KCNQ5: variants seen among roughly 807,000 people sequenced by gnomAD.
KCNQ5 encodes the protein potassium voltage-gated channel subfamily Q member 5.
KCNQ5 carries 30 observed loss-of-function variants against 98.2 expected under a neutral mutation model. That is an observed-to-expected ratio of 0.31 (90% confidence interval 0.23 to 0.41). KCNQ5 has a LOEUF of 0.41. Ranked by LOEUF, KCNQ5 falls within the 10% of genes least tolerant of loss-of-function variation. The pLI is 1.00. For missense variants in KCNQ5, 835 were observed against 1,182.5 expected, an observed-to-expected ratio of 0.71 and a Z score of 4.31; for synonymous variants, 458 against 449.4, an observed-to-expected ratio of 1.02 and a Z score of -0.24.
chr6:73,171,323 CA>C (rs1778008780), intron 11 of KCNQ5, among the ~76,000 whole-genome samples: 1 of 152,178 alleles, frequency 6.6e-6, no homozygotes, highest in Admixed American at 6.5e-5. Flanking sequence ...CCTCTAGTCT[CA>C]TCATAAGTGT....
chr6:73,187,765 G>T (rs1347418084), intron 11 of KCNQ5, among the ~76,000 whole-genome samples: 1 of 152,158 alleles, frequency 6.6e-6, no homozygotes, highest in Non-Finnish European at 1.5e-5. Context: ...AAGTAAAAAT[G>T]AAATTATTTA....
chr6:72,937,551 C>T (rs995788303), intron 1 of KCNQ5, among the ~76,000 whole-genome samples: 1 of 152,104 alleles, frequency 6.6e-6, no homozygotes, highest in African/African-American at 2.4e-5. Flanking sequence ...CTTCTATAAG[C>T]CTTTTAATAA....
intron 1 of KCNQ5, among the ~76,000 whole-genome samples, chr6:72,922,810 C>CTTTTTTTTTTTTTTTTTTTTTTTTT (rs369263359): frequency 3.9e-5 from 4 of 103,828 alleles, no homozygotes; most frequent in African/African-American, 7.1e-5. Context: ...TTTTCTTTTT[C>CTTTTTTTTTTTTTTTTTTTTTTTTT]TTTTTTTTTT....
intron 1 of KCNQ5, among the ~76,000 whole-genome samples, chr6:72,887,128 C>A (rs1280026436): frequency 6.6e-6 from 1 of 152,024 alleles, no homozygotes; most frequent in Non-Finnish European, 1.5e-5. Context: ...GGAAAATTTT[C>A]TTAAAGGAAG....
chr6:73,023,494 A>T (rs1350002412), intron 2 of KCNQ5, among the ~76,000 whole-genome samples: 1 of 152,184 alleles, frequency 6.6e-6, no homozygotes, highest in African/African-American at 2.4e-5. Context: ...AAAATGGATA[A>T]GGAAATAGTA....
In KCNQ5 at chr6:73,194,739, T is replaced by A. The variant is rs763453048; in HGVS notation, c.2124T>A (p.Thr708=). ...AGACTTTCTACGCGCTTAGCCCTACTATGCACAGTCAAGCAACACAGGTGC... is the reference window on the plus strand; with the variant it reads ...AGACTTTCTACGCGCTTAGCCCTACAATGCACAGTCAAGCAACACAGGTGC... ...SAQTFYALSP[T]MHSQATQVPI... is the part of the protein sequence containing the mutation. Residue 708 remains threonine (T), a synonymous_variant, in exon 14 of 14, where the codon ACT becomes ACA. Transcript: ENST00000370398. The A allele has an allele frequency of 6.8e-6, 11 of 1,614,220 alleles. No individual in the cohort carries two copies. Among genetic ancestry groups the A allele is most frequent in the Non-Finnish European group, 6.8e-6 (8 of 1,180,048 alleles).
At chr6:72,876,198 A>T (rs1483587002) in intron 1 of KCNQ5, among the ~76,000 whole-genome samples, 1 of 152,142 alleles carries the variant, frequency 6.6e-6, no homozygotes, top group Non-Finnish European at 1.5e-5. Context: ...AAATTTACAA[A>T]TTTAAAACCA....
chr6:72,910,776 T>C (rs1414946114), intron 1 of KCNQ5, among the ~76,000 whole-genome samples: 1 of 152,078 alleles, frequency 6.6e-6, no homozygotes, highest in East Asian at 1.9e-4. Context: ...TGAACATAGG[T>C]ATCAATTTAT....
At chr6:72,866,164 C>G (rs1777971126) in intron 1 of KCNQ5, among the ~76,000 whole-genome samples, 1 of 151,650 alleles carries the variant, frequency 6.6e-6, no homozygotes, top group Admixed American at 6.6e-5. Flanking sequence ...TCATGTTTGT[C>G]TGATTCTGGA....
intron 1 of KCNQ5, among the ~76,000 whole-genome samples, chr6:72,850,100 C>G (rs1160473258): frequency 1.3e-5 from 2 of 152,154 alleles, no homozygotes; most frequent in East Asian, 3.9e-4. Flanking sequence ...ATATTAGGGT[C>G]TTCTTTTACC....
At chr6:72,903,589 C>T (rs1441337296) in intron 1 of KCNQ5, among the ~76,000 whole-genome samples, 2 of 152,124 alleles carry the variant, frequency 1.3e-5, no homozygotes, top group Non-Finnish European at 2.9e-5. Flanking sequence ...ATTTTTGACC[C>T]AGTGGTCACT....
chr6:73,019,111 C>T (rs902029669), intron 2 of KCNQ5, among the ~76,000 whole-genome samples: 1 of 152,054 alleles, frequency 6.6e-6, no homozygotes. Context: ...ATGCAGCAGC[C>T]TGAATATTTA....
chr6:73,133,112 G>T (rs1166526191), intron 9 of KCNQ5, among the ~76,000 whole-genome samples: 1 of 152,100 alleles, frequency 6.6e-6, no homozygotes, highest in African/African-American at 2.4e-5. Context: ...TTTTTCAAGT[G>T]AATTCCAAAA....
intron 1 of KCNQ5, among the ~76,000 whole-genome samples, chr6:72,768,503 G>T (rs1772688822): frequency 6.6e-6 from 1 of 152,030 alleles, no homozygotes; most frequent in Non-Finnish European, 1.5e-5. Context: ...TTTTTGATGT[G>T]ACTGTTTTAG....
chr6:72,715,176 A>G (rs577504426), intron 1 of KCNQ5, among the ~76,000 whole-genome samples: 2 of 152,318 alleles, frequency 1.3e-5, no homozygotes, highest in South Asian at 4.1e-4. Context: ...GAGGTAAGTG[A>G]GAGTGTTATT....
chr6:72,915,034 T>C (rs1397733950), intron 1 of KCNQ5, among the ~76,000 whole-genome samples: 1 of 151,998 alleles, frequency 6.6e-6, no homozygotes, highest in Non-Finnish European at 1.5e-5. Context: ...AAAGTTACAA[T>C]AATAATACAA....
intron 1 of KCNQ5, among the ~76,000 whole-genome samples, chr6:72,735,351 A>C (rs1266942869): frequency 7.9e-5 from 12 of 152,218 alleles, no homozygotes. Context: ...CAAGAAAAGC[A>C]TTGAAGACAT....
chr6:73,173,101 C>G (rs1034573987), intron 11 of KCNQ5, among the ~76,000 whole-genome samples: 30 of 152,270 alleles, frequency 2.0e-4, no homozygotes, highest in Non-Finnish European at 3.1e-4. Flanking sequence ...TAAAGAATTA[C>G]TATTCTTAGA....
Position 72,622,578 on chromosome 6 carries a change from A to T in KCNQ5, c.389A>T (p.His130Leu), listed in dbSNP as rs2098915886. 1 of 1,611,980 alleles carries T rather than the reference A, an allele frequency of 6.2e-7. No individual in the cohort carries two copies. The highest frequency in any genetic ancestry group is 8.5e-7 in the Non-Finnish European group (1 of 1,179,394). The change falls in exon 1 of 14, where the codon CAC becomes CTC. Residue 130 changes from histidine to leucine, a missense_variant. Physicochemically the swap from His to Leu is moderately conservative, Grantham distance 99 (BLOSUM62 -3). This residue lies in a region of KCNQ5 where 19 missense variants were observed against 29.6 expected (regional missense o/e 0.64). Transcript: ENST00000370398. This position sits in a 1 kb window ranked among gnomAD's most constrained non-coding sequence, Gnocchi z 6.0. Reference sequence around the variant, plus strand: ...CCCCGCGGCTGGGCGTTCATCTACCACGCTTTCGTGTGAGTACCCGCGCCC... The same window carrying T: ...CCCCGCGGCTGGGCGTTCATCTACCTCGCTTTCGTGTGAGTACCCGCGCCC... ...ERPRGWAFIY[H>L]AFVFLLVFGC...
Sources: gnomAD v4.1 joint callset for allele counts (sites outside exome capture counted in the v4.1 genomes callset) on GRCh38, gnomAD v4.1.1 for gene constraint, gnomAD v4.1.1 regional missense constraint, Gnocchi (gnomAD v3.1) non-coding constraint, MANE v1.5 for transcripts, NCBI Gene and HGNC (gene_info 2026-07-23, HGNC 2026-07-21) for gene names.